The following CSMD3 variants were observed in gnomAD, a reference collection of about 807,000 sequenced individuals.
The protein encoded by CSMD3 is CUB and sushi domain-containing protein 3.
In CSMD3, 177 loss-of-function variants were observed where a neutral mutation model predicts 435.2. That is an observed-to-expected ratio of 0.41 (90% CI 0.36 to 0.46). The LOEUF (loss-of-function observed/expected upper bound fraction) is 0.46, where lower values mean the gene tolerates loss of function less well. Ranked by LOEUF, CSMD3 falls within the 20% of genes least tolerant of loss-of-function variation. The pLI, the probability that CSMD3 is intolerant of heterozygous loss-of-function variation, is 0.34. For missense variants in CSMD3, 4,265 were observed against 4,504.6 expected, an observed-to-expected ratio of 0.95 and a Z score of 1.52; for synonymous variants, 1,656 against 1,520.5, an observed-to-expected ratio of 1.09 and a Z score of -2.07.
chr8:112,491,277 C>T (rs1172080992), intron 31 of CSMD3, among the ~76,000 whole-genome samples: 2 of 152,056 alleles, frequency 1.3e-5, no homozygotes, highest in East Asian at 3.9e-4. Context: ...CACTTGAATG[C>T]ATGCAGGTAA....
chr8:112,275,226 G>A (rs943465484), intron 59 of CSMD3, among the ~76,000 whole-genome samples: 3 of 152,090 alleles, frequency 2.0e-5, no homozygotes, highest in Admixed American at 6.5e-5. Context: ...TGATAAAGAC[G>A]TACCTGAGAC....
intron 27 of CSMD3, among the ~76,000 whole-genome samples, chr8:112,534,545 A>G (rs1277427727): frequency 6.6e-6 from 1 of 152,216 alleles, no homozygotes; most frequent in African/African-American, 2.4e-5. Flanking sequence ...TCAATAGCTT[A>G]CCAACTAAAA....
chr8:112,598,222 C>T (rs75245982), intron 22 of CSMD3, among the ~76,000 whole-genome samples: 4,443 of 123,064 alleles, frequency 0.036, 117 homozygotes, highest in East Asian at 0.076. Context: ...TATACACCAA[C>T]AACAGACAAA....
rs775200080 is a variant in CSMD3, at chr8:112,380,453, G to A, written c.6035C>T (p.Thr2012Ile). Residue 2012 changes from threonine (T) to isoleucine (I), a missense_variant, in exon 38 of 71, where the codon ACA (threonine) becomes ATA (isoleucine). Physicochemically the swap from Thr to Ile is moderately conservative, Grantham distance 89 (BLOSUM62 -1). Transcript: ENST00000297405. ...NAPRLGSYSG[T>I]TIPHLLNSTS... is the part of the protein sequence containing the mutation. ...ACTATTCAAAAGATGGGGTATTGTT[G>A]TTCCTGAAATGATATATGAGAAGGC... 2 of 1,510,866 alleles carry A rather than the reference G, an allele frequency of 1.3e-6. No homozygotes were observed. Among genetic ancestry groups the A allele is most frequent in the Non-Finnish European group, 1.8e-6 (2 of 1,086,576 alleles). The allele number at this position is 1,510,866 out of a possible 1,614,324, so 93.6% of individuals were successfully genotyped here. A position where few individuals can be genotyped will look rare whatever the true frequency, so the allele number is the denominator to read the frequency against.
chr8:113,188,726 C>T (rs942773592), intron 3 of CSMD3, among the ~76,000 whole-genome samples: 1 of 151,876 alleles, frequency 6.6e-6, no homozygotes, highest in Non-Finnish European at 1.5e-5. Context: ...AGTGATAAAG[C>T]TTCCATTAAT....
At chr8:112,845,980 A>T (rs986556648) in intron 11 of CSMD3, among the ~76,000 whole-genome samples, 1 of 152,044 alleles carries the variant, frequency 6.6e-6, no homozygotes, top group Admixed American at 6.6e-5. Context: ...AGGAAAACAG[A>T]GAATAAAGAG....
At chr8:113,285,465 T>G (rs2132497413) in intron 2 of CSMD3, among the ~76,000 whole-genome samples, 1 of 152,218 alleles carries the variant, frequency 6.6e-6, no homozygotes, top group Non-Finnish European at 1.5e-5. Flanking sequence ...TTCACCGTGT[T>G]AGCCAGGATG....
intron 1 of CSMD3, among the ~76,000 whole-genome samples, chr8:113,430,871 T>A (rs1194353238): frequency 6.6e-6 from 1 of 152,146 alleles, no homozygotes; most frequent in East Asian, 1.9e-4. Flanking sequence ...AAAATATTAA[T>A]CATTAGGATT....
intron 38 of CSMD3, among the ~76,000 whole-genome samples, chr8:112,352,871 T>C (rs1826255478): frequency 6.6e-6 from 1 of 152,118 alleles, no homozygotes. Context: ...ACATGAAAAT[T>C]AAAAATAATT....
At chr8:112,235,084 G>A (rs1245254187) in intron 67 of CSMD3, among the ~76,000 whole-genome samples, 1 of 152,080 alleles carries the variant, frequency 6.6e-6, no homozygotes, top group East Asian at 1.9e-4. Flanking sequence ...AGCACTGGAG[G>A]GCCAAGCATG....
At chr8:112,343,001 T>TTATATATATATATATTTA (rs1563815603) in intron 41 of CSMD3, among the ~76,000 whole-genome samples, 2 of 109,668 alleles carry the variant, frequency 1.8e-5, no homozygotes, top group Admixed American at 9.8e-5. Flanking sequence ...ATATATATAT[T>TTATATATATATATATTTA]TATATATATA....
At chr8:112,702,094 T>G (rs2131880300) in intron 13 of CSMD3, among the ~76,000 whole-genome samples, 1 of 152,294 alleles carries the variant, frequency 6.6e-6, no homozygotes. Flanking sequence ...TATTTTTTAC[T>G]TTGTATCCCA....
At chr8:112,979,870 A>T (rs1023159464) in intron 6 of CSMD3, among the ~76,000 whole-genome samples, 8 of 151,156 alleles carry the variant, frequency 5.3e-5, no homozygotes, top group Non-Finnish European at 1.2e-4. Context: ...TATCTGAAAT[A>T]TAATTTTAAT....
intron 32 of CSMD3, among the ~76,000 whole-genome samples, chr8:112,471,018 G>C (rs1818471952): frequency 6.6e-6 from 1 of 151,954 alleles, no homozygotes; most frequent in African/African-American, 2.4e-5. Flanking sequence ...CAAAACTATA[G>C]ATTTCATTCT....
intron 7 of CSMD3, among the ~76,000 whole-genome samples, chr8:112,960,495 G>T (rs2130860748): frequency 6.6e-6 from 1 of 151,636 alleles, no homozygotes; most frequent in South Asian, 2.1e-4. Context: ...AATGTTTCTG[G>T]GTTACACAGG....
chr8:112,607,210 A>C (rs1431012850), intron 22 of CSMD3, among the ~76,000 whole-genome samples: 1 of 151,814 alleles, frequency 6.6e-6, no homozygotes, highest in African/African-American at 2.4e-5. Flanking sequence ...TACCATCACA[A>C]TTACATGCTA....
rs2131189512 is a variant in CSMD3, at chr8:112,550,765, A to G, written c.4470T>C (p.Ile1490=). Residue 1490 remains isoleucine (I), a synonymous_variant, in exon 27 of 71, where the codon ATT becomes ATC. Transcript: ENST00000297405. ...TGAGGGTGCTATGAATTCCTTCAGG[A>G]ATAAGAGATCCACTAATTTCCTTTA... is the stretch of plus-strand genomic sequence containing the variant. ...MLLKEISGSL[I]PEGIHSTLNI... 2 of 1,604,204 alleles carry G rather than the reference A, an allele frequency of 1.2e-6. No individual in the cohort carries two copies. Among genetic ancestry groups the G allele is most frequent in the Non-Finnish European group, 1.7e-6 (2 of 1,171,350 alleles).
At chr8:113,080,188 T>C (rs1346477701) in intron 5 of CSMD3, among the ~76,000 whole-genome samples, 1 of 152,152 alleles carries the variant, frequency 6.6e-6, no homozygotes, top group Non-Finnish European at 1.5e-5. Flanking sequence ...AACAAAACAC[T>C]TTGTCAATCC....
chr8:112,685,872 A>C, intron 14 of CSMD3, 140 bp from the exon 15 acceptor site: 1 of 653,328 alleles, frequency 1.5e-6, no homozygotes. Context: ...AACAGAACAA[A>C]ACGGTTACCA....
Sources: allele counts gnomAD v4.1 joint callset (sites outside exome capture counted in the v4.1 genomes callset), GRCh38; gene constraint gnomAD v4.1.1; transcripts MANE v1.5; gene names NCBI Gene and HGNC (gene_info 2026-07-23, HGNC 2026-07-21).